Variants in ACBD3 observed in about 807,000 individuals in gnomAD.
The protein encoded by ACBD3 is Golgi resident protein GCP60.
ACBD3 carries 30 observed loss-of-function variants against 66.9 expected under a neutral mutation model. The ratio of observed to expected loss-of-function variants is 0.45; its 90% CI spans 0.34 to 0.61. The LOEUF is 0.61. ACBD3 is among the 20% of genes least tolerant of loss of function. The pLI is 0.02. For synonymous variants in ACBD3, 278 were observed against 259.8 expected, an observed-to-expected ratio of 1.07 and a Z score of -0.68; for missense variants, 544 against 664.5, an observed-to-expected ratio of 0.82 and a Z score of 1.99.
intron 3 of ACBD3, among the ~76,000 whole-genome samples, chr1:226,163,924 C>T (rs1325695260): frequency 1.3e-5 from 2 of 151,890 alleles, no homozygotes. Flanking sequence ...AGTTTGAGAC[C>T]AGCCTGGCCA....
chr1:226,172,201 C>CAAAAAAA (rs1558129702), intron 1 of ACBD3, among the ~76,000 whole-genome samples: 5 of 107,102 alleles, frequency 4.7e-5, no homozygotes, highest in South Asian at 3.2e-4. Context: ...TAGTCCTGGT[C>CAAAAAAA]AGGCAAACAG....
chr1:226,149,707 G>GT (rs1558122679), intron 7 of ACBD3, among the ~76,000 whole-genome samples: 1 of 149,500 alleles, frequency 6.7e-6, no homozygotes, highest in Non-Finnish European at 1.5e-5. Flanking sequence ...CACCCAGCTA[G>GT]TTTTTTGTAT....
chr1:226,147,757 G>T (rs1340391495), intron 7 of ACBD3, among the ~76,000 whole-genome samples: 1 of 152,128 alleles, frequency 6.6e-6, no homozygotes, highest in Admixed American at 6.6e-5. Flanking sequence ...CCGGTTAAGA[G>T]TTTTTTGAAC....
intron 1 of ACBD3, among the ~76,000 whole-genome samples, chr1:226,183,533 G>A (rs1656223583): frequency 6.6e-6 from 1 of 152,010 alleles, no homozygotes; most frequent in Admixed American, 6.6e-5. Flanking sequence ...TAAAACCATA[G>A]AATAGCGATT....
chr1:226,178,500 G>C (rs555644313), intron 1 of ACBD3, among the ~76,000 whole-genome samples: 1 of 147,086 alleles, frequency 6.8e-6, no homozygotes, highest in South Asian at 2.1e-4. Context: ...GCGTGAACCC[G>C]GGAGGCGGAG....
chr1:226,149,131 G>GT (rs1375220328), intron 7 of ACBD3, among the ~76,000 whole-genome samples: 3 of 152,120 alleles, frequency 2.0e-5, no homozygotes, highest in African/African-American at 7.2e-5. Context: ...AGACTAGGCA[G>GT]TAACCACCTT....
Position 226,152,394 on chromosome 1 carries a change from G to A in ACBD3, c.1316C>T (p.Pro439Leu). Residue 439 changes from proline (P) to leucine (L), a missense_variant, in exon 7 of 8, where the codon CCA becomes CTA. By Grantham distance (98) the Pro-to-Leu change is moderately conservative (BLOSUM62 -3). Around this residue, in one of 3 missense-constraint regions of ACBD3, gnomAD observed 383 missense variants for 462.4 expected, o/e 0.83. Coordinates refer to ENST00000366812, the MANE Select transcript of ACBD3 (RefSeq NM_022735.4). ...FGVYFEWTDS[P>L]NTAVSVHVSE... ...GACATGCACGCTGACAGCAGTGTTT[G>A]GAGAGTCTGTCCATTCAAAATACAC... 1 of 1,614,156 alleles carries A rather than the reference G, an allele frequency of 6.2e-7. No individual in the cohort carries two copies. Among genetic ancestry groups the A allele is most frequent in the South Asian group, 1.1e-5 (1 of 91,084 alleles).
intron 1 of ACBD3, among the ~76,000 whole-genome samples, chr1:226,180,855 T>C (rs932706559): frequency 2.6e-5 from 4 of 152,126 alleles, no homozygotes; most frequent in South Asian, 4.1e-4. Context: ...AAAAATTAGC[T>C]GGGCGTAGTG....
rs1659862093 is a variant in ACBD3 at position 226,165,589 on chromosome 1, C to T, written c.428+270G>A. Among the ~76,000 whole-genome samples, 4 of 152,116 alleles carry T rather than the reference C, an allele frequency of 2.6e-5. No individual in the cohort carries two copies. The South Asian group carries it at 6.2e-4, about 24-fold the overall frequency. On this transcript the variant is annotated intron_variant, in intron 2 of 7. Transcript: ENST00000366812. ...ATCAATTACTATATATTTTAAATGGCTACTTTTAATATTATTTGGGAAGAA... is the reference window on the plus strand; with the variant it reads ...ATCAATTACTATATATTTTAAATGGTTACTTTTAATATTATTTGGGAAGAA...
At chr1:226,175,842 A>C (rs763506528) in intron 1 of ACBD3, among the ~76,000 whole-genome samples, 4 of 152,222 alleles carry the variant, frequency 2.6e-5, no homozygotes, top group African/African-American at 4.8e-5. Flanking sequence ...TTCCATTTTT[A>C]ATAAAAAGGT....
At chr1:226,164,679 C>A in intron 3 of ACBD3, 110 bp downstream of exon 3, 1 of 1,245,414 alleles carries the variant, frequency 8.0e-7, no homozygotes, top group Non-Finnish European at 1.1e-6. Flanking sequence ...AATGGGGATC[C>A]AAGGAAAGCA....
At chr1:226,163,563 C>G (rs1237778164) in intron 3 of ACBD3, among the ~76,000 whole-genome samples, 4 of 151,998 alleles carry the variant, frequency 2.6e-5, no homozygotes, top group Non-Finnish European at 5.9e-5. Flanking sequence ...TTCCTATTAT[C>G]TTAAATAGGA....
In ACBD3 at chr1:226,148,354, T is replaced by C. The variant is rs190802063; in HGVS notation, c.1376-1533A>G. ...TAACTTTTCTGTAAATCTAAAACTA[T>C]TCTAAAATTAAAAGTTTATTTTAAA... is the stretch of plus-strand genomic sequence containing the variant. On this transcript the variant is annotated intron_variant, in intron 7 of 7. Coordinates refer to ENST00000366812, the MANE Select transcript of ACBD3 (RefSeq NM_022735.4). Among the ~76,000 whole-genome samples the C allele has an allele frequency of 1.2e-3, 188 of 152,324 alleles. 1 individual carries two copies. Among genetic ancestry groups the C allele is most frequent in the Admixed American group, 0.011 (167 of 15,304 alleles).
At position 226,158,710 on chromosome 1, in the gene ACBD3, T is replaced by A. The variant is rs1016848498; in HGVS notation, c.903+474A>T. ...AGTTGGAGGAGGAATAGCAATGTGC[T>A]GTTATGAGCACTGCCTAACTATGGT... is the stretch of plus-strand genomic sequence containing the variant. On this transcript the variant is annotated intron_variant, in intron 5 of 7. Transcript: ENST00000366812. 2.0e-5 allele frequency among the ~76,000 whole-genome samples: 3 copies of A among 152,236 alleles called. No individual in the cohort carries two copies. In the South Asian group the frequency reaches 6.2e-4, roughly 32 times the overall value.
chr1:226,164,249 G>A (rs984824893), intron 3 of ACBD3, among the ~76,000 whole-genome samples: 5 of 151,456 alleles, frequency 3.3e-5, no homozygotes, highest in Non-Finnish European at 4.4e-5. Flanking sequence ...AAAATAAGGT[G>A]TAACTATAAT....
At chr1:226,162,798 ATTTTT>A (rs1247600853) in intron 3 of ACBD3, among the ~76,000 whole-genome samples, 3 of 139,804 alleles carry the variant, frequency 2.1e-5, no homozygotes, top group Admixed American at 1.5e-4. Context: ...AACATGACCT[ATTTTT>A]TTTTTTTTTT....
At chr1:226,151,910 G>A (rs1002986069) in intron 7 of ACBD3, among the ~76,000 whole-genome samples, 1 of 152,102 alleles carries the variant, frequency 6.6e-6, no homozygotes, top group African/African-American at 2.4e-5. Context: ...AGGAGGCTGA[G>A]GCAGGAGAAT....
In ACBD3 at chr1:226,146,265, G is replaced by C. The variant is rs1305284387; in HGVS notation, c.*345C>G. 1 of 213,608 alleles carries C rather than the reference G, an allele frequency of 4.7e-6. No individual in the cohort carries two copies. Among genetic ancestry groups the C allele is most frequent in the Non-Finnish European group, 9.4e-6 (1 of 105,978 alleles). 13.2% of individuals were successfully genotyped at this position (213,608 alleles called of 1,614,324 possible). ...GGGCTCTCATAAGACACATGGAGCAGGCAGCAAGGGGCTAACCATCAGCCG... is the reference window on the plus strand; with the variant it reads ...GGGCTCTCATAAGACACATGGAGCACGCAGCAAGGGGCTAACCATCAGCCG... On this transcript the variant is annotated 3_prime_UTR_variant, in exon 8 of 8. Coordinates refer to ENST00000366812, the MANE Select transcript of ACBD3 (RefSeq NM_022735.4).
intron 6 of ACBD3, 39 bp from the exon 7 acceptor site, chr1:226,152,658 C>T: frequency 3.2e-6 from 5 of 1,580,030 alleles, no homozygotes; most frequent in Middle Eastern, 1.7e-4. Context: ...AGAAAAAGAG[C>T]CTTCACCCTG....
Sources: gnomAD v4.1 joint callset for allele counts (sites outside exome capture counted in the v4.1 genomes callset) on GRCh38, gnomAD v4.1.1 for gene constraint, gnomAD v4.1.1 regional missense constraint, MANE v1.5 for transcripts, NCBI Gene and HGNC (gene_info 2026-07-23, HGNC 2026-07-21) for gene names.